The following EFEMP1 variants were observed in gnomAD, a reference collection of about 807,000 sequenced individuals.
The protein encoded by EFEMP1 is EGF-like fibulin extracellular matrix protein 1.
A neutral mutation model predicts 65.7 loss-of-function variants in EFEMP1; 18 were observed. The ratio of observed to expected loss-of-function variants is 0.27; its 90% confidence interval spans 0.19 to 0.41. EFEMP1 has a LOEUF of 0.41. Among genes scored for constraint, EFEMP1 ranks in the 10% least tolerant of loss-of-function variants. The pLI, the probability that EFEMP1 is intolerant of heterozygous loss-of-function variation, is 1.00. For missense variants in EFEMP1, 469 were observed against 624.8 expected, an observed-to-expected ratio of 0.75 and a Z score of 2.66; for synonymous variants, 237 against 219.7, an observed-to-expected ratio of 1.08 and a Z score of -0.70.
At position 55,881,594 on chromosome 2, in the gene EFEMP1, C is replaced by T. The variant is rs757628177; in HGVS notation, c.640+18G>A. ...GGTACTCAAGACAGGACCGTGCTCA[C>T]TGCACTGTGGTACTTACCTACGCAC... is the stretch of plus-strand genomic sequence containing the variant. On this transcript the variant is annotated intron_variant, in intron 6 of 11. Coordinates refer to ENST00000355426, the MANE Select transcript of EFEMP1 (RefSeq NM_001039348.3). 1.2e-6 allele frequency: 2 copies of T among 1,613,158 alleles called. No individual in the cohort carries two copies. Among genetic ancestry groups the T allele is most frequent in the Non-Finnish European group, 1.7e-6 (2 of 1,179,874 alleles).
chr2:55,890,071 A>C (rs993644385), intron 5 of EFEMP1, among the ~76,000 whole-genome samples: 1 of 152,048 alleles, frequency 6.6e-6, no homozygotes, highest in Non-Finnish European at 1.5e-5. Flanking sequence ...AAACCCAAAT[A>C]TACTGTTTCA....
rs775063184 is a variant in EFEMP1, at chr2:55,877,847, A to T, written c.659T>A (p.Ile220Asn). 1 of 1,613,116 alleles carries T rather than the reference A, an allele frequency of 6.2e-7. No individual in the cohort carries two copies. Among genetic ancestry groups the T allele is most frequent in the South Asian group, 1.1e-5 (1 of 91,078 alleles). ...GCATCTTTGGTGGCAATATGGAGGG[A>T]TGGTACATTCATCTATGTCTAGGTT... ...EQCVDIDECT[I>N]PPYCHQRCVN... The change falls in exon 7 of 12, where the codon ATC (isoleucine) becomes AAC (asparagine). Residue 220 changes from isoleucine to asparagine, a missense_variant. Physicochemically the swap from Ile to Asn is moderately radical, Grantham distance 149. Around this residue, in one of 3 missense-constraint regions of EFEMP1, gnomAD observed 399 missense variants for 528.2 expected, o/e 0.76. Coordinates refer to ENST00000355426, the MANE Select transcript of EFEMP1 (RefSeq NM_001039348.3). The surrounding 1 kb of genome is among the most constrained non-coding windows in gnomAD (Gnocchi z 4.5).
At position 55,923,310 on chromosome 2, in the gene EFEMP1, G is replaced by A. The variant is rs558108996; in HGVS notation, c.-48-371C>T. On this transcript the variant is annotated intron_variant, in intron 1 of 11. Coordinates refer to ENST00000355426, the MANE Select transcript of EFEMP1 (RefSeq NM_001039348.3). The surrounding 1 kb of genome is among the most constrained non-coding windows in gnomAD (Gnocchi z 5.3). ...GGGCGGCCTGGCCCGGCAGGGAGATGAGGTCCCCTTTCTTAACAGCAAGCT... is the reference window on the plus strand; with the variant it reads ...GGGCGGCCTGGCCCGGCAGGGAGATAAGGTCCCCTTTCTTAACAGCAAGCT... Among the ~76,000 whole-genome samples the A allele has an allele frequency of 6.6e-6, 1 of 152,194 alleles. No homozygotes were observed. Among genetic ancestry groups the A allele is most frequent in the African/African-American group, 2.4e-5 (1 of 41,458 alleles).
At chr2:55,879,876 A>T (rs1412723803) in intron 6 of EFEMP1, among the ~76,000 whole-genome samples, 1 of 152,202 alleles carries the variant, frequency 6.6e-6, no homozygotes, top group African/African-American at 2.4e-5. Flanking sequence ...GTAGATTGGA[A>T]ATTTACAAAA....
chr2:55,907,244 CAT>C (rs1670316363), intron 5 of EFEMP1, among the ~76,000 whole-genome samples: 1 of 152,156 alleles, frequency 6.6e-6, no homozygotes, highest in Admixed American at 6.5e-5. Flanking sequence ...AATGTGTGCA[CAT>C]GTTTGTACAT....
chr2:55,897,644 C>T (rs1669877584), intron 5 of EFEMP1, among the ~76,000 whole-genome samples: 1 of 152,152 alleles, frequency 6.6e-6, no homozygotes, highest in Non-Finnish European at 1.5e-5. Context: ...ATAAACTAAA[C>T]CATCTATTCT....
At chr2:55,884,484 A>G (rs1478361519) in intron 5 of EFEMP1, among the ~76,000 whole-genome samples, 3 of 152,174 alleles carry the variant, frequency 2.0e-5, no homozygotes, top group Non-Finnish European at 2.9e-5. Context: ...GATGCTCTGG[A>G]AAAGGTGGCT....
chr2:55,882,847 C>G (rs1572801777), intron 5 of EFEMP1, among the ~76,000 whole-genome samples: 1 of 152,066 alleles, frequency 6.6e-6, no homozygotes. Flanking sequence ...TAGATCATCA[C>G]TGTGGCAGAC....
intron 6 of EFEMP1, among the ~76,000 whole-genome samples, chr2:55,880,634 T>A (rs1406838890): frequency 6.6e-6 from 1 of 152,228 alleles, no homozygotes; most frequent in Non-Finnish European, 1.5e-5. Flanking sequence ...ACGCTGGTTG[T>A]CTGTCCCCAC....
At chr2:55,891,846 A>G (rs1669638649) in intron 5 of EFEMP1, among the ~76,000 whole-genome samples, 1 of 152,140 alleles carries the variant, frequency 6.6e-6, no homozygotes, top group Non-Finnish European at 1.5e-5. Context: ...TCCTTCAGAT[A>G]ACATTAAATC....
In EFEMP1 at chr2:55,922,427, A is replaced by T; in HGVS notation, c.14T>A (p.Leu5His). 1 of 1,613,522 alleles carries T rather than the reference A, an allele frequency of 6.2e-7. No homozygotes were observed. The highest frequency in any genetic ancestry group is 1.1e-5 in the South Asian group (1 of 91,072). Residue 5 changes from leucine (L) to histidine (H), a missense_variant, in exon 3 of 12, where the codon CTT (leucine) becomes CAT (histidine). By Grantham distance (99) the Leu-to-His change is moderately conservative. Coordinates refer to ENST00000355426, the MANE Select transcript of EFEMP1 (RefSeq NM_001039348.3). The surrounding 1 kb of genome is among the most constrained non-coding windows in gnomAD (Gnocchi z 5.5). ...CGCCAGAGTCAGCATAGTTAGGAAA[A>T]GGGCTTTCAACATTGTGAATCTCAA... MLKA[L>H]FLTMLTLALV...
Position 55,923,607 on chromosome 2 carries a change from T to C in EFEMP1, c.-49+104A>G, listed in dbSNP as rs955275648. On this transcript the variant is annotated intron_variant, in intron 1 of 11. Transcript: ENST00000355426. The surrounding 1 kb of genome is among the most constrained non-coding windows in gnomAD (Gnocchi z 5.3). Reference sequence around the variant, plus strand: ...GACACCCTGCACAGTCCAGGGCAGTTCTCGGGTACTCAACACCCCTCAGCT... The same window carrying C: ...GACACCCTGCACAGTCCAGGGCAGTCCTCGGGTACTCAACACCCCTCAGCT... 16 of 985,530 alleles carry C rather than the reference T, an allele frequency of 1.6e-5. No individual in the cohort carries two copies. Among genetic ancestry groups the C allele is most frequent in the Non-Finnish European group, 1.9e-5 (16 of 830,112 alleles). The allele number at this position is 985,530 out of a possible 1,614,324, so 61.0% of individuals were successfully genotyped here.
intron 6 of EFEMP1, among the ~76,000 whole-genome samples, chr2:55,880,817 G>C (rs1270913590): frequency 1.3e-5 from 2 of 152,158 alleles, no homozygotes; most frequent in Non-Finnish European, 2.9e-5. Context: ...CTCATACTTT[G>C]ATCTTCCATT....
intron 11 of EFEMP1, among the ~76,000 whole-genome samples, chr2:55,868,900 G>C (rs1668690401): frequency 6.6e-6 from 1 of 152,148 alleles, no homozygotes; most frequent in Non-Finnish European, 1.5e-5. Flanking sequence ...CTCTGCACAA[G>C]TAGAATTTTA....
rs1218181562 is a variant in EFEMP1 at position 55,923,318 on chromosome 2, C to T, written c.-48-379G>A. The stretch of plus-strand genomic sequence containing the variant: ...TGGCCCGGCAGGGAGATGAGGTCCC[C>T]TTTCTTAACAGCAAGCTAACGCGGC... On this transcript the variant is annotated intron_variant, in intron 1 of 11. Transcript: ENST00000355426. The surrounding 1 kb of genome is among the most constrained non-coding windows in gnomAD (Gnocchi z 5.3). Among the ~76,000 whole-genome samples, 2 of 152,302 alleles carry T rather than the reference C, an allele frequency of 1.3e-5. No individual in the cohort carries two copies. The highest frequency in any genetic ancestry group is 2.9e-5 in the Non-Finnish European group (2 of 68,038).
intron 6 of EFEMP1, among the ~76,000 whole-genome samples, chr2:55,878,703 G>C (rs990100464): frequency 6.6e-6 from 1 of 151,992 alleles, no homozygotes; most frequent in Non-Finnish European, 1.5e-5. Context: ...GGCTCTTTTG[G>C]TACTTTAATA....
chr2:55,876,654 A>G lies in EFEMP1; in HGVS notation c.849T>C (p.Tyr283=). The G allele has an allele frequency of 1.2e-6, 2 of 1,612,280 alleles. No individual in the cohort carries two copies. Among genetic ancestry groups the G allele is most frequent in the Middle Eastern group, 3.3e-4 (2 of 6,048 alleles). The change falls in exon 8 of 12, where the codon TAT becomes TAC. Residue 283 remains tyrosine, a synonymous_variant. Transcript: ENST00000355426. ...AGTTGAGCCTGTCACTGCTTAGCTC[A>G]TATCCTTGATTGCACTGACAGATGA... The part of the protein sequence containing the change: ...GSFICQCNQG[Y]ELSSDRLNCE...
At position 55,881,629 on chromosome 2, in the gene EFEMP1, C is replaced by T. The variant is rs533940631; in HGVS notation, c.623G>A (p.Arg208Gln). ...ACQCPPGYQK[R>Q]GEQCVDIDEC... The stretch of plus-strand genomic sequence containing the variant: ...GTACTTACCTACGCACTGCTCCCCT[C>T]GCTTCTGATATCCAGGAGGGCACTG... The change falls in exon 6 of 12, where the codon CGA becomes CAA. Residue 208 changes from arginine to glutamine, a missense_variant. Around this residue, in one of 3 missense-constraint regions of EFEMP1, gnomAD observed 399 missense variants for 528.2 expected, o/e 0.76. Coordinates refer to ENST00000355426, the MANE Select transcript of EFEMP1 (RefSeq NM_001039348.3). 1.1e-5 allele frequency: 17 copies of T among 1,613,856 alleles called. No individual in the cohort carries two copies. The East Asian group carries it at 2.9e-4, about 28-fold the overall frequency.
chr2:55,878,943 T>A (rs753728908), intron 6 of EFEMP1, among the ~76,000 whole-genome samples: 12 of 152,216 alleles, frequency 7.9e-5, no homozygotes, highest in Non-Finnish European at 1.8e-4. Flanking sequence ...ACTTGAATAC[T>A]GAAATAAATA....
Sources: gnomAD v4.1 joint callset for allele counts (sites outside exome capture counted in the v4.1 genomes callset) on GRCh38, gnomAD v4.1.1 for gene constraint, gnomAD v4.1.1 regional missense constraint, Gnocchi (gnomAD v3.1) non-coding constraint, MANE v1.5 for transcripts, NCBI Gene and HGNC (gene_info 2026-07-23, HGNC 2026-07-21) for gene names.